The following FBLIM1 variants were observed in gnomAD, a reference collection of about 807,000 sequenced individuals.
FBLIM1 encodes filamin-binding LIM protein 1.
Under a neutral mutation model 37.4 loss-of-function variants are expected in FBLIM1, and 29 were observed. That is an observed-to-expected ratio of 0.77 (90% CI 0.58 to 1.06). FBLIM1 has a LOEUF of 1.06. Among genes scored for constraint, FBLIM1 ranks in the 50% least tolerant of loss-of-function variants. The pLI is 0.00. For synonymous variants in FBLIM1, 193 were observed against 199.0 expected (o/e 0.97, Z 0.25); for missense variants, 449 against 505.6 (o/e 0.89, Z 1.07).
At position 15,767,550 on chromosome 1, in the gene FBLIM1, C is replaced by T. The variant is rs996681130; in HGVS notation, c.425C>T (p.Pro142Leu). ...GAGCAGCTGCACCTGTCCCCGCCCC[C>T]GCCCCCACCACAGGTACTGCCTGCC... Reference protein sequence around the residue: ...DLEQLHLSPPPPPPQAPAEGP... With the variant: ...DLEQLHLSPPLPPPQAPAEGP... The change falls in exon 4 of 9, where the codon CCG (proline) becomes CTG (leucine). Residue 142 changes from proline (P) to leucine (L), a missense_variant. By Grantham distance (98) the Pro-to-Leu change is moderately conservative. Coordinates refer to ENST00000375766, the MANE Select transcript of FBLIM1 (RefSeq NM_017556.4). 9.7e-6 allele frequency: 13 copies of T among 1,337,320 alleles called. No homozygotes were observed. Among genetic ancestry groups the T allele is most frequent in the South Asian group, 5.9e-5 (4 of 67,570 alleles). 82.8% of individuals were successfully genotyped at this position (1,337,320 alleles called of 1,614,324 possible). A position where few individuals can be genotyped will look rare whatever the true frequency, so the allele number is the denominator to read the frequency against.
At chr1:15,769,088 C>T (rs1395171225) in intron 5 of FBLIM1, among the ~76,000 whole-genome samples, 1 of 152,174 alleles carries the variant, frequency 6.6e-6, no homozygotes. Flanking sequence ...CCACCTGCTC[C>T]CTCCCCCCAT....
chr1:15,784,735 C>A lies in FBLIM1; in HGVS notation c.*74C>A. 7.6e-7 allele frequency: 1 copy of A among 1,308,714 alleles called. No homozygotes were observed. 81.1% of individuals were successfully genotyped at this position (1,308,714 alleles called of 1,614,324 possible). A position where few individuals can be genotyped will look rare whatever the true frequency, so the allele number is the denominator to read the frequency against. ...TCCCTGACTTGGTTTCCCTTCCTAA[C>A]CTGCTCTTGCACACTTTCCTTCTGA... On this transcript the variant is annotated 3_prime_UTR_variant, in exon 9 of 9. Transcript: ENST00000375766.
upstream of FBLIM1, among the ~76,000 whole-genome samples, chr1:15,757,140 C>T (rs537141643): frequency 3.9e-5 from 6 of 152,260 alleles, no homozygotes; most frequent in Admixed American, 1.3e-4. This position sits in a 1 kb window ranked among gnomAD's most constrained non-coding sequence, Gnocchi z 4.1. Flanking sequence ...AGGAATGAGC[C>T]GAGCAGGGAC....
In FBLIM1 at chr1:15,777,263, C is replaced by G; in HGVS notation, c.984C>G (p.Phe328Leu). Residue 328 changes from phenylalanine (F) to leucine (L), a missense_variant, in exon 8 of 9, where the codon TTC becomes TTG. Physicochemically the swap from Phe to Leu is conservative, Grantham distance 22. Coordinates refer to ENST00000375766, the MANE Select transcript of FBLIM1 (RefSeq NM_017556.4). ...AAATCGAATGCATGGGAAGAAACTT[C>G]CATGAAAATTGCTACAGGTGTGAGG... is the stretch of plus-strand genomic sequence containing the variant. ...AFKIECMGRN[F>L]HENCYRCEDC... 1.2e-6 allele frequency: 2 copies of G among 1,613,144 alleles called. No individual in the cohort carries two copies. The highest frequency in any genetic ancestry group is 8.5e-7 in the Non-Finnish European group (1 of 1,179,190).
At chr1:15,769,281 C>T (rs2069083681) in intron 5 of FBLIM1, among the ~76,000 whole-genome samples, 3 of 151,830 alleles carry the variant, frequency 2.0e-5, no homozygotes, top group Admixed American at 1.3e-4. Flanking sequence ...GTTCGAGATC[C>T]GCCTGGCCAA....
chr1:15,774,697 C>A lies in FBLIM1; in HGVS notation c.791C>A (p.Pro264His). Reference sequence around the variant, plus strand: ...AGGGCCCTGGGCCAGGCCTTCCACCCCTCCTGCTTCACGTGTGTGACCTGC... The same window carrying A: ...AGGGCCCTGGGCCAGGCCTTCCACCACTCCTGCTTCACGTGTGTGACCTGC... ...IIRALGQAFH[P>H]SCFTCVTCAR... The change falls in exon 7 of 9, where the codon CCC becomes CAC. Residue 264 changes from proline (P) to histidine (H), a missense_variant. By Grantham distance (77) the Pro-to-His change is moderately conservative. Transcript: ENST00000375766. 1 of 1,614,106 alleles carries A rather than the reference C, an allele frequency of 6.2e-7. No homozygotes were observed. Among genetic ancestry groups the A allele is most frequent in the Non-Finnish European group, 8.5e-7 (1 of 1,179,984 alleles).
At chr1:15,782,371 G>A (rs1469217304) in intron 8 of FBLIM1, among the ~76,000 whole-genome samples, 1 of 149,900 alleles carries the variant, frequency 6.7e-6, no homozygotes, top group Non-Finnish European at 1.5e-5. Context: ...TAATGCCACT[G>A]CACTCTAGCC....
rs753352768 is a variant in FBLIM1 at position 15,774,719 on chromosome 1, C to A, written c.813C>A (p.Thr271=). The change falls in exon 7 of 9, where the codon ACC becomes ACA. Residue 271 remains threonine (T), a synonymous_variant. Coordinates refer to ENST00000375766, the MANE Select transcript of FBLIM1 (RefSeq NM_017556.4). Reference sequence around the variant, plus strand: ...ACCCCTCCTGCTTCACGTGTGTGACCTGCGCCCGGTGCATTGGGGATGAGA... The same window carrying A: ...ACCCCTCCTGCTTCACGTGTGTGACATGCGCCCGGTGCATTGGGGATGAGA... The part of the protein sequence containing the change: ...AFHPSCFTCV[T]CARCIGDESF... The A allele has an allele frequency of 6.2e-7, 1 of 1,614,150 alleles. No individual in the cohort carries two copies. Among genetic ancestry groups the A allele is most frequent in the South Asian group, 1.1e-5 (1 of 91,086 alleles).
intron 6 of FBLIM1, among the ~76,000 whole-genome samples, chr1:15,772,512 T>TA (rs1274140651): frequency 6.6e-6 from 1 of 151,732 alleles, no homozygotes; most frequent in Non-Finnish European, 1.5e-5. Flanking sequence ...GAGGTCAAGG[T>TA]AAAATGCACA....
At chr1:15,776,550 A>G (rs2148631555) in intron 7 of FBLIM1, among the ~76,000 whole-genome samples, 1 of 152,118 alleles carries the variant, frequency 6.6e-6, no homozygotes, top group Middle Eastern at 3.4e-3. Flanking sequence ...AAGCGGAGAG[A>G]CAGATGTGCC....
rs2069736355 is a variant in FBLIM1, at chr1:15,784,866, T to C, written c.*205T>C. On this transcript the variant is annotated 3_prime_UTR_variant, in exon 9 of 9. Coordinates refer to ENST00000375766, the MANE Select transcript of FBLIM1 (RefSeq NM_017556.4). Reference sequence around the variant, plus strand: ...CTCTACCCTCTGGGCACCAGAAGGCTCCTGGACCATGAGCTTCACCCCCAG... The same window carrying C: ...CTCTACCCTCTGGGCACCAGAAGGCCCCTGGACCATGAGCTTCACCCCCAG... 1 of 441,396 alleles carries C rather than the reference T, an allele frequency of 2.3e-6. No homozygotes were observed. The allele number at this position is 441,396 out of a possible 1,614,324, so 27.3% of individuals were successfully genotyped here.
intron 1 of FBLIM1, among the ~76,000 whole-genome samples, chr1:15,760,359 GTC>G (rs2068609329): frequency 6.6e-6 from 1 of 152,022 alleles, no homozygotes; most frequent in Non-Finnish European, 1.5e-5. Flanking sequence ...GTGAAACCCT[GTC>G]TCTACCAAAA....
chr1:15,776,690 C>T (rs2069499817), intron 7 of FBLIM1, among the ~76,000 whole-genome samples: 1 of 151,176 alleles, frequency 6.6e-6, no homozygotes, highest in Admixed American at 6.6e-5. Context: ...TGGTGAAACC[C>T]GTCTCTACTA....
At chr1:15,759,431 G>C (rs1343520839) in intron 1 of FBLIM1, among the ~76,000 whole-genome samples, 1 of 152,164 alleles carries the variant, frequency 6.6e-6, no homozygotes, top group Non-Finnish European at 1.5e-5. Context: ...TCTTGGCGTC[G>C]GCCCCTACCC....
chr1:15,780,219 G>A lies in FBLIM1; in HGVS notation c.1008+2932G>A, dbSNP rs191702648. 2.0e-3 allele frequency among the ~76,000 whole-genome samples: 304 copies of A among 151,048 alleles called. 1 individual carries two copies. The highest frequency in any genetic ancestry group is 6.9e-3 in the Middle Eastern group (2 of 288). On this transcript the variant is annotated intron_variant, in intron 8 of 8. Transcript: ENST00000375766. ...AATTCTTAAATTTTTTTTTTGTAGA[G>A]ACTGAGTCTCACTTTGTTACCCAAG...
chr1:15,767,354 C>T (rs779047800), intron 3 of FBLIM1, 22 bp from the exon 4 acceptor site: 1 of 1,545,822 alleles, frequency 6.5e-7, no homozygotes, highest in Non-Finnish European at 8.7e-7. Context: ...TCTGACCAGC[C>T]CTCTCTCCTC....
Position 15,764,680 on chromosome 1 carries a change from T to C in FBLIM1, c.-26T>C, listed in dbSNP as rs568647627. The C allele has an allele frequency of 1.0e-5, 4 of 398,770 alleles. No individual in the cohort carries two copies. The South Asian group carries it at 2.0e-4, about 20-fold the overall frequency. The allele number at this position is 398,770 out of a possible 1,614,324, so 24.7% of individuals were successfully genotyped here. On this transcript the variant is annotated 5_prime_UTR_variant, in exon 2 of 9. Coordinates refer to ENST00000375766, the MANE Select transcript of FBLIM1 (RefSeq NM_017556.4). The stretch of plus-strand genomic sequence containing the variant: ...GCGGGTGTGAGACAAGGAAGAGTGA[T>C]CATTGGTGAGGGCTGCCCTTTGCTC...
At chr1:15,756,843 ACTCTTCGTTGC>A (rs1286252534), upstream of FBLIM1, 3 of 151,940 alleles carry the variant, frequency 2.0e-5, no homozygotes, top group African/African-American at 7.3e-5. Context: ...CCCCAAATCA[ACTCTTCGTTGC>A]CTCACTATCC....
intron 1 of FBLIM1, among the ~76,000 whole-genome samples, chr1:15,762,656 C>T (rs1022130058): frequency 5.9e-5 from 9 of 152,216 alleles, no homozygotes; most frequent in Non-Finnish European, 7.3e-5. Flanking sequence ...TCCCAAAGTG[C>T]TGTGATTACA....
Sources: gnomAD v4.1 joint callset for allele counts (sites outside exome capture counted in the v4.1 genomes callset) on GRCh38, gnomAD v4.1.1 for gene constraint, Gnocchi (gnomAD v3.1) non-coding constraint, MANE v1.5 for transcripts, NCBI Gene and HGNC (gene_info 2026-07-23, HGNC 2026-07-21) for gene names.